The following BPIFC variants were observed in gnomAD, a reference collection of about 807,000 sequenced individuals.
BPIFC encodes the protein BPI fold containing family C.
Under a neutral mutation model 57.6 loss-of-function variants are expected in BPIFC, and 60 were observed. The ratio of observed to expected loss-of-function variants is 1.04; its 90% CI spans 0.85 to 1.29. The LOEUF (loss-of-function observed/expected upper bound fraction) is 1.29. Ranked by LOEUF, BPIFC falls within the 50% of genes most tolerant of loss-of-function variation. The pLI is 0.00. For synonymous variants in BPIFC, 243 were observed against 224.5 expected, an observed-to-expected ratio of 1.08 and a Z score of -0.74; for missense variants, 581 against 600.5, an observed-to-expected ratio of 0.97 and a Z score of 0.34.
At chr22:32,436,030 G>A in intron 9 of BPIFC, 150 bp from the exon 10 acceptor site, 1 of 799,858 alleles carries the variant, frequency 1.3e-6, no homozygotes. Context: ...AACACTTTGG[G>A]AGGCTGAGGC....
intron 2 of BPIFC, among the ~76,000 whole-genome samples, chr22:32,459,887 G>A (rs1447901411): frequency 6.6e-6 from 1 of 151,620 alleles, no homozygotes; most frequent in East Asian, 1.9e-4. Context: ...AGAGGAAACT[G>A]TGAGAGCCAT....
intron 13 of BPIFC, among the ~76,000 whole-genome samples, chr22:32,422,277 G>A (rs1014843667): frequency 6.6e-6 from 1 of 152,198 alleles, no homozygotes; most frequent in African/African-American, 2.4e-5. Flanking sequence ...GCAATGTGAA[G>A]AATTTAACCT....
chr22:32,432,552 A>G lies in BPIFC; in HGVS notation c.979-9T>C, dbSNP rs1934279519. The stretch of plus-strand genomic sequence containing the variant: ...ATGTAGATCTCTGCAATCTGCCCAC[A>G]TTCCGAGAAAGAAATAAAGATTGTG... On this transcript the variant is annotated splice_polypyrimidine_tract_variant and intron_variant, in intron 11 of 16. Coordinates refer to ENST00000300399, the MANE Select transcript of BPIFC (RefSeq NM_174932.3). 1 of 1,611,800 alleles carries G rather than the reference A, an allele frequency of 6.2e-7. No individual in the cohort carries two copies. Among genetic ancestry groups the G allele is most frequent in the Non-Finnish European group, 8.5e-7 (1 of 1,178,616 alleles).
intron 7 of BPIFC, among the ~76,000 whole-genome samples, chr22:32,444,297 GAAGGA>G (rs1934651985): frequency 6.6e-6 from 1 of 152,112 alleles, no homozygotes; most frequent in Non-Finnish European, 1.5e-5. Context: ...TAAGGATGGA[GAAGGA>G]CTATAAGGCT....
chr22:32,422,351 A>G (rs1933872287), intron 13 of BPIFC, among the ~76,000 whole-genome samples: 1 of 152,124 alleles, frequency 6.6e-6, no homozygotes, highest in African/African-American at 2.4e-5. Flanking sequence ...ACACAAAGCA[A>G]GGTATACTCA....
At chr22:32,448,587 T>A (rs1934798952) in intron 4 of BPIFC, among the ~76,000 whole-genome samples, 1 of 151,980 alleles carries the variant, frequency 6.6e-6, no homozygotes, top group African/African-American at 2.4e-5. Flanking sequence ...AAAGGGTAAC[T>A]AGGAGGCAGT....
chr22:32,433,061 G>C lies in BPIFC; in HGVS notation c.979-518C>G, dbSNP rs1177643624. On this transcript the variant is annotated intron_variant, in intron 11 of 16. Coordinates refer to ENST00000300399, the MANE Select transcript of BPIFC (RefSeq NM_174932.3). ...CTACAAAAAATAGAAAAATTAGCTG[G>C]GCATAGTGGCTTGTGCCTGTAGTCC... Among the ~76,000 whole-genome samples, 3 of 152,156 alleles carry C rather than the reference G, an allele frequency of 2.0e-5. No individual in the cohort carries two copies. The East Asian group carries it at 5.8e-4, about 29-fold the overall frequency.
At chr22:32,452,715 C>A (rs1934929407) in intron 4 of BPIFC, among the ~76,000 whole-genome samples, 1 of 152,010 alleles carries the variant, frequency 6.6e-6, no homozygotes, top group South Asian at 2.1e-4. Context: ...GGAATGATCA[C>A]CCCAAAGGGT....
At chr22:32,462,168 C>CAAAAAAAAAAAAAAAAAAA (rs35716277) in intron 1 of BPIFC, among the ~76,000 whole-genome samples, 10 of 53,602 alleles carry the variant, frequency 1.9e-4, no homozygotes, top group South Asian at 1.3e-3. Context: ...GACTCCATCT[C>CAAAAAAAAAAAAAAAAAAA]AAAAAAAAAA....
intron 9 of BPIFC, among the ~76,000 whole-genome samples, chr22:32,436,415 AGAAG>A (rs1407496947): frequency 6.9e-6 from 1 of 145,108 alleles, no homozygotes; most frequent in Non-Finnish European, 1.5e-5. Context: ...AGGAGGGAAA[AGAAG>A]GAGAAGGAGA....
chr22:32,427,001 G>C (rs1934088193), intron 13 of BPIFC, among the ~76,000 whole-genome samples: 1 of 152,146 alleles, frequency 6.6e-6, no homozygotes. Context: ...GCCCTGCTCA[G>C]ACCCAGCTAA....
intron 15 of BPIFC, among the ~76,000 whole-genome samples, chr22:32,416,845 C>T (rs1216093356): frequency 6.6e-6 from 1 of 152,260 alleles, no homozygotes; most frequent in African/African-American, 2.4e-5. Context: ...CAGAGTTGGC[C>T]GATCTTGCTG....
rs558130166 is a variant in BPIFC, at chr22:32,447,147, C to G, written c.374+65G>C. ...TATTGCCAAAAACATTGGTGAATTT[C>G]TACATTTTCCGTTTTTGCTCACATT... On this transcript the variant is annotated intron_variant, in intron 5 of 16. Transcript: ENST00000300399. The G allele has an allele frequency of 2.2e-5, 32 of 1,425,466 alleles. No homozygotes were observed. In the African/African-American group the frequency reaches 4.5e-4, roughly 20 times the overall value. 88.3% of individuals were successfully genotyped at this position (1,425,466 alleles called of 1,614,324 possible).
At chr22:32,457,817 T>G (rs977558046) in intron 2 of BPIFC, among the ~76,000 whole-genome samples, 3 of 152,214 alleles carry the variant, frequency 2.0e-5, no homozygotes, top group African/African-American at 4.8e-5. Context: ...CTCATCACAT[T>G]CTACTCTGGG....
chr22:32,426,628 A>T (rs1462374690), intron 13 of BPIFC, among the ~76,000 whole-genome samples: 1 of 152,210 alleles, frequency 6.6e-6, no homozygotes, highest in Non-Finnish European at 1.5e-5. Context: ...ACGGTGGCTC[A>T]CGCCTGTAAT....
intron 13 of BPIFC, among the ~76,000 whole-genome samples, chr22:32,429,268 G>A (rs1025644150): frequency 3.3e-5 from 5 of 150,458 alleles, no homozygotes; most frequent in African/African-American, 1.2e-4. Context: ...GTGCAGTGGC[G>A]CCATCTCGGC....
intron 7 of BPIFC, among the ~76,000 whole-genome samples, chr22:32,443,126 G>A (rs528818425): frequency 2.6e-5 from 4 of 151,984 alleles, no homozygotes; most frequent in African/African-American, 7.2e-5. Context: ...CTCTAGGAGC[G>A]GTTGCATGCC....
At chr22:32,436,559 T>G (rs990687199) in intron 9 of BPIFC, among the ~76,000 whole-genome samples, 9 of 152,212 alleles carry the variant, frequency 5.9e-5, no homozygotes, top group African/African-American at 2.2e-4. Context: ...CCAGTGACTA[T>G]TTTTCAAAGC....
chr22:32,445,628 G>A lies in BPIFC; in HGVS notation c.594+7C>T. ...TTACTGTGGTTGCCTAACCTCTAAA[G>A]ACTCACCATTTCATTTAAGTTCTTT... is the stretch of plus-strand genomic sequence containing the variant. On this transcript the variant is annotated splice_region_variant and intron_variant, in intron 7 of 16. Coordinates refer to ENST00000300399, the MANE Select transcript of BPIFC (RefSeq NM_174932.3). The A allele has an allele frequency of 6.4e-7, 1 of 1,568,980 alleles. No individual in the cohort carries two copies. The highest frequency in any genetic ancestry group is 1.1e-5 in the South Asian group (1 of 89,804).
Sources: allele counts gnomAD v4.1 joint callset (sites outside exome capture counted in the v4.1 genomes callset), GRCh38; gene constraint gnomAD v4.1.1; transcripts MANE v1.5; gene names NCBI Gene and HGNC (gene_info 2026-07-23, HGNC 2026-07-21).